Variants in SGPP2 observed in about 807,000 individuals in gnomAD.
SGPP2 encodes sphingosine 1-phosphate phosphohydrolase 2.
In SGPP2, 30 loss-of-function variants were observed where a neutral mutation model predicts 33.9. That is an observed-to-expected ratio of 0.89 (90% CI 0.66 to 1.20). The LOEUF is 1.20. Ranked by LOEUF, SGPP2 falls within the 50% of genes most tolerant of loss-of-function variation. SGPP2 has a pLI of 0.00. For missense variants in SGPP2, 458 were observed against 532.1 expected (o/e 0.86, Z 1.37); for synonymous variants, 233 against 225.0 (o/e 1.04, Z -0.32).
chr2:222,458,519 T>A (rs1464929495), intron 1 of SGPP2, among the ~76,000 whole-genome samples: 1 of 152,234 alleles, frequency 6.6e-6, no homozygotes, highest in Non-Finnish European at 1.5e-5. Context: ...TATGAAAAGA[T>A]GAGATGGCCT....
rs1197935308 is a variant in SGPP2, at chr2:222,465,764, G to A, written c.220-8804G>A. On this transcript the variant is annotated intron_variant, in intron 1 of 4. Coordinates refer to ENST00000321276, the MANE Select transcript of SGPP2 (RefSeq NM_152386.4). This position sits in a 1 kb window ranked among gnomAD's most constrained non-coding sequence, Gnocchi z 4.1. ...GGCTTGGTTTCACGTCTGCTCTTGAGGTCATCTCCTCTCTGTCTCTTTCAC... is the reference window on the plus strand; with the variant it reads ...GGCTTGGTTTCACGTCTGCTCTTGAAGTCATCTCCTCTCTGTCTCTTTCAC... 6.6e-6 allele frequency among the ~76,000 whole-genome samples: 1 copy of A among 152,102 alleles called. No homozygotes were observed. The highest frequency in any genetic ancestry group is 2.4e-5 in the African/African-American group (1 of 41,408).
chr2:222,545,628 T>C (rs1482123621), intron 4 of SGPP2, among the ~76,000 whole-genome samples: 1 of 149,778 alleles, frequency 6.7e-6, no homozygotes, highest in East Asian at 2.2e-4. Flanking sequence ...GGAATCAGTT[T>C]TAAAACTCTC....
chr2:222,534,656 A>G (rs1238145748), intron 4 of SGPP2, among the ~76,000 whole-genome samples: 2 of 152,218 alleles, frequency 1.3e-5, no homozygotes, highest in African/African-American at 4.8e-5. Flanking sequence ...AGCCGATGGC[A>G]ATATAAATTA....
At chr2:222,453,745 T>G (rs1246020271) in intron 1 of SGPP2, among the ~76,000 whole-genome samples, 1 of 152,230 alleles carries the variant, frequency 6.6e-6, no homozygotes, top group East Asian at 1.9e-4. Flanking sequence ...GTTTATGTTA[T>G]AAGTAAGGCT....
chr2:222,457,016 A>G (rs1347209453), intron 1 of SGPP2, among the ~76,000 whole-genome samples: 1 of 152,042 alleles, frequency 6.6e-6, no homozygotes. Flanking sequence ...GTTCCATTTA[A>G]GCTGTTTCTA....
chr2:222,470,247 C>T lies in SGPP2; in HGVS notation c.220-4321C>T, dbSNP rs182338119. Among the ~76,000 whole-genome samples the T allele has an allele frequency of 1.6e-4, 25 of 151,710 alleles. No homozygotes were observed. The East Asian group carries it at 2.5e-3, about 15-fold the overall frequency. On this transcript the variant is annotated intron_variant, in intron 1 of 4. Transcript: ENST00000321276. Reference sequence around the variant, plus strand: ...CGCATACCTGTGTAACAAACCTGCACGATCTGCACATGTATCTCAGAATTT... The same window carrying T: ...CGCATACCTGTGTAACAAACCTGCATGATCTGCACATGTATCTCAGAATTT...
intron 2 of SGPP2, among the ~76,000 whole-genome samples, chr2:222,501,401 A>C (rs1698363808): frequency 6.6e-6 from 1 of 152,180 alleles, no homozygotes; most frequent in African/African-American, 2.4e-5. Context: ...AGACCCACTG[A>C]GGTGACTTCT....
At chr2:222,434,975 T>TAC (rs71053082) in intron 1 of SGPP2, among the ~76,000 whole-genome samples, 1,986 of 146,010 alleles carry the variant, frequency 0.014, 26 homozygotes, top group African/African-American at 0.033. Context: ...TGGAGATATA[T>TAC]ACACACACAC....
chr2:222,516,511 G>A (rs1698606317), intron 2 of SGPP2, among the ~76,000 whole-genome samples: 1 of 152,170 alleles, frequency 6.6e-6, no homozygotes, highest in Admixed American at 6.5e-5. Flanking sequence ...TGGTCATATT[G>A]CTTTTGTTTC....
chr2:222,475,613 G>A (rs1559154592), intron 2 of SGPP2, among the ~76,000 whole-genome samples: 1 of 152,208 alleles, frequency 6.6e-6, no homozygotes, highest in Non-Finnish European at 1.5e-5. Flanking sequence ...TGTAGCAGGA[G>A]CAGCTGCAAA....
At chr2:222,496,628 A>G (rs533442459) in intron 2 of SGPP2, among the ~76,000 whole-genome samples, 3 of 152,026 alleles carry the variant, frequency 2.0e-5, no homozygotes, top group South Asian at 2.1e-4. Context: ...TTCTGCCTCA[A>G]TCTCCACCTC....
At chr2:222,524,632 T>C (rs1166663032) in intron 3 of SGPP2, among the ~76,000 whole-genome samples, 1 of 152,228 alleles carries the variant, frequency 6.6e-6, no homozygotes, top group Admixed American at 6.5e-5. Flanking sequence ...ATCAAAGTTA[T>C]TCATTTCACT....
chr2:222,446,925 T>A (rs1159443226), intron 1 of SGPP2, among the ~76,000 whole-genome samples: 1 of 152,226 alleles, frequency 6.6e-6, no homozygotes, highest in African/African-American at 2.4e-5. Flanking sequence ...AACTCAGTAG[T>A]AAAGAAATTT....
chr2:222,472,243 A>G (rs535070574), intron 1 of SGPP2, among the ~76,000 whole-genome samples: 108 of 152,298 alleles, frequency 7.1e-4, no homozygotes, highest in African/African-American at 2.3e-3. Flanking sequence ...GCAAATTTGT[A>G]ATCTCCCAAT....
At chr2:222,532,275 A>G (rs1228271443) in intron 4 of SGPP2, among the ~76,000 whole-genome samples, 1 of 149,326 alleles carries the variant, frequency 6.7e-6, no homozygotes, top group East Asian at 1.9e-4. Flanking sequence ...ACTCTGTCTC[A>G]AAAAAGAAAA....
rs59881994 is a variant in SGPP2, at chr2:222,426,209, CAAAAAA to C, written c.219+1408_219+1413del. On this transcript the variant is annotated intron_variant, in intron 1 of 4. Coordinates refer to ENST00000321276, the MANE Select transcript of SGPP2 (RefSeq NM_152386.4). ...AGGGCGACTGAGCGAGACTCCGTCT[CAAAAAA>C]AAAAAAAAAAAAAAAAAAAGACCAA... Among the ~76,000 whole-genome samples, 61 of 58,756 alleles carry C rather than the reference CAAAAAA, an allele frequency of 1.0e-3. 1 individual carries two copies. The highest frequency in any genetic ancestry group is 3.5e-3 in the African/African-American group (55 of 15,588). 38.5% of individuals were successfully genotyped at this position (58,756 alleles called of 152,430 possible). A position where few individuals can be genotyped will look rare whatever the true frequency, so the allele number is the denominator to read the frequency against.
Position 222,425,536 on chromosome 2 carries a change from T to G in SGPP2, c.219+715T>G, listed in dbSNP as rs142728691. Among the ~76,000 whole-genome samples the G allele has an allele frequency of 2.0e-3, 297 of 152,290 alleles. 2 individuals are homozygous for G. The highest frequency in any genetic ancestry group is 6.8e-3 in the African/African-American group (283 of 41,562). ...TTCAAAGCGTGGTTATACAACCCAC[T>G]GCGGCTTGGGGGGAACCAGCGTGCG... On this transcript the variant is annotated intron_variant, in intron 1 of 4. Transcript: ENST00000321276.
chr2:222,453,001 A>G, intron 1 of SGPP2: 1 of 1,585,062 alleles, frequency 6.3e-7, no homozygotes. Flanking sequence ...GTGGAAGAGA[A>G]CACAGTTCTG....
chr2:222,542,038 A>G (rs769192517), intron 4 of SGPP2, among the ~76,000 whole-genome samples: 1 of 152,238 alleles, frequency 6.6e-6, no homozygotes, highest in Non-Finnish European at 1.5e-5. Context: ...CACCCATGTT[A>G]GGAAATACAG....
Sources: gnomAD v4.1 joint callset for allele counts (sites outside exome capture counted in the v4.1 genomes callset) on GRCh38, gnomAD v4.1.1 for gene constraint, Gnocchi (gnomAD v3.1) non-coding constraint, MANE v1.5 for transcripts, NCBI Gene and HGNC (gene_info 2026-07-23, HGNC 2026-07-21) for gene names.